Variants in PHC1 observed in about 807,000 individuals in gnomAD.
PHC1 encodes the protein polyhomeotic-like protein 1.
Under a neutral mutation model 104.3 loss-of-function variants are expected in PHC1, and 12 were observed. The observed-to-expected ratio is 0.12, with a 90% CI of 0.07 to 0.19. The LOEUF (loss-of-function observed/expected upper bound fraction) is 0.19. Among genes scored for constraint, PHC1 ranks in the 10% least tolerant of loss-of-function variants. The probability of loss-of-function intolerance (pLI) is 1.00; values close to 1 mark genes in which losing one functional copy is unlikely to be tolerated. For synonymous variants in PHC1, 302 were observed against 455.8 expected (o/e 0.66, Z 4.30); for missense variants, 671 against 1,200.0 (o/e 0.56, Z 6.51).
intron 6 of PHC1, among the ~76,000 whole-genome samples, chr12:8,923,754 C>T (rs764853173): frequency 2.8e-5 from 4 of 144,090 alleles, no homozygotes; most frequent in Non-Finnish European, 4.5e-5. Context: ...GGCATGAACC[C>T]GGGAGGCGGA....
chr12:8,934,977 G>A (rs773109766), intron 10 of PHC1, 147 bp from the exon 11 acceptor site: 61 of 553,780 alleles, frequency 1.1e-4, no homozygotes, highest in Admixed American at 6.2e-4. Flanking sequence ...CTTGATTACC[G>A]TATTGAAAGT....
At chr12:8,929,060 A>G (rs148650268) in intron 6 of PHC1, among the ~76,000 whole-genome samples, 3 of 152,284 alleles carry the variant, frequency 2.0e-5, no homozygotes, top group African/African-American at 7.2e-5. Flanking sequence ...CCTGGGTTAG[A>G]GGGTGTGTGA....
At position 8,934,247 on chromosome 12, in the gene PHC1, A is replaced by C. The variant is rs1479647057; in HGVS notation, c.2042-20A>C. 1.3e-6 allele frequency: 2 copies of C among 1,584,866 alleles called. No homozygotes were observed. Among genetic ancestry groups the C allele is most frequent in the Non-Finnish European group, 1.7e-6 (2 of 1,154,580 alleles). On this transcript the variant is annotated intron_variant, in intron 9 of 14. Coordinates refer to ENST00000544916, the MANE Select transcript of PHC1 (RefSeq NM_004426.3). ...ATATGTCATCTCATGTCTGTTGCTT[A>C]ATCTGTGTTTGTTTTCCAGAAAAAG...
chr12:8,937,053 T>G, intron 12 of PHC1, 89 bp downstream of exon 12: 1 of 1,390,968 alleles, frequency 7.2e-7, no homozygotes, highest in Non-Finnish European at 1.0e-6. Flanking sequence ...ATAGCTGATA[T>G]TTTATGTCTC....
chr12:8,935,279 C>T (rs758965975), intron 11 of PHC1, 41 bp downstream of exon 11: 17 of 1,069,738 alleles, frequency 1.6e-5, no homozygotes, highest in African/African-American at 3.2e-5. Context: ...GAAGGAGACT[C>T]GTGGAGATGT....
Position 8,930,615 on chromosome 12 carries a change from A to G in PHC1, c.793A>G (p.Ser265Gly), listed in dbSNP as rs753029213. 1.6e-4 allele frequency: 241 copies of G among 1,518,056 alleles called. No individual in the cohort carries two copies. Among genetic ancestry groups the G allele is most frequent in the Non-Finnish European group, 1.5e-4 (164 of 1,119,132 alleles). 94.0% of individuals were successfully genotyped at this position (1,518,056 alleles called of 1,614,324 possible). A position where few individuals can be genotyped will look rare whatever the true frequency, so the allele number is the denominator to read the frequency against. The change falls in exon 7 of 15, where the codon AGT (serine) becomes GGT (glycine). Residue 265 changes from serine to glycine, a missense_variant. Ser to Gly is a moderately conservative substitution (Grantham distance 56). Around this residue, in one of 9 missense-constraint regions of PHC1, gnomAD observed 237 missense variants for 331.1 expected, o/e 0.72. Coordinates refer to ENST00000544916, the MANE Select transcript of PHC1 (RefSeq NM_004426.3). ...SGATNQSLNL[S>G]QAGGGSGNSI... Reference sequence around the variant, plus strand: ...GGCCACAAACCAGTCCCTCAACCTTAGTCAAGCTGGTGGAGGCAGTGGGAA... The same window carrying G: ...GGCCACAAACCAGTCCCTCAACCTTGGTCAAGCTGGTGGAGGCAGTGGGAA...
rs1273061633 is a variant in PHC1 at position 8,939,287 on chromosome 12, T to C, written c.2861-18T>C. 6.2e-7 allele frequency: 1 copy of C among 1,614,070 alleles called. No homozygotes were observed. Among genetic ancestry groups the C allele is most frequent in the Non-Finnish European group, 8.5e-7 (1 of 1,180,020 alleles). On this transcript the variant is annotated intron_variant, in intron 14 of 14. Coordinates refer to ENST00000544916, the MANE Select transcript of PHC1 (RefSeq NM_004426.3). ...CTATCATCTGGCATTACCTACATGTTCTCACCATTTCTTCTAGGCTGCCAA... is the reference window on the plus strand; with the variant it reads ...CTATCATCTGGCATTACCTACATGTCCTCACCATTTCTTCTAGGCTGCCAA...
chr12:8,939,357 C>T lies in PHC1; in HGVS notation c.2913C>T (p.Ala971=). 4 of 1,610,696 alleles carry T rather than the reference C, an allele frequency of 2.5e-6. No individual in the cohort carries two copies. The highest frequency in any genetic ancestry group is 3.4e-6 in the Non-Finnish European group (4 of 1,177,662). Residue 971 remains alanine (A), a synonymous_variant, in exon 15 of 15, where the codon GCC becomes GCT. Coordinates refer to ENST00000544916, the MANE Select transcript of PHC1 (RefSeq NM_004426.3). ...EFRSQEIDGQ[A]LLLLKEEHLM... is the part of the protein sequence containing the mutation. ...GCTCACAGGAGATTGATGGACAGGCCCTTTTATTACTTAAAGAAGAACATC... is the reference window on the plus strand; with the variant it reads ...GCTCACAGGAGATTGATGGACAGGCTCTTTTATTACTTAAAGAAGAACATC...
chr12:8,919,320 C>G lies in PHC1; in HGVS notation c.115-436C>G, dbSNP rs1945291621. ...AGGTGATCTGCCCTCCTAGGCCTCCCAAAGTGCTGGGATTACAGGCAGGAG... is the reference window on the plus strand; with the variant it reads ...AGGTGATCTGCCCTCCTAGGCCTCCGAAAGTGCTGGGATTACAGGCAGGAG... On this transcript the variant is annotated intron_variant, in intron 2 of 14. Transcript: ENST00000544916. This position sits in a 1 kb window ranked among gnomAD's most constrained non-coding sequence, Gnocchi z 4.9. Among the ~76,000 whole-genome samples the G allele has an allele frequency of 6.6e-6, 1 of 152,112 alleles. No homozygotes were observed. Among genetic ancestry groups the G allele is most frequent in the African/African-American group, 2.4e-5 (1 of 41,436 alleles).
intron 6 of PHC1, among the ~76,000 whole-genome samples, chr12:8,928,002 G>A (rs1258189830): frequency 6.6e-6 from 1 of 150,400 alleles, no homozygotes; most frequent in Non-Finnish European, 1.5e-5. Flanking sequence ...TGCCTTCTGG[G>A]TTCAAGCGAT....
At chr12:8,938,162 C>A in intron 14 of PHC1, 102 bp downstream of exon 14, 1 of 744,480 alleles carries the variant, frequency 1.3e-6, no homozygotes, top group Non-Finnish European at 2.3e-6. Flanking sequence ...GCAGTAGGAG[C>A]TTGAATGCTA....
chr12:8,933,828 G>A, intron 8 of PHC1, 37 bp from the exon 9 acceptor site: 2 of 1,568,840 alleles, frequency 1.3e-6, no homozygotes, highest in East Asian at 2.3e-5. Flanking sequence ...TCCTTCATTT[G>A]TACATCTTTG....
Position 8,933,267 on chromosome 12 carries a change from G to A in PHC1, c.1810G>A (p.Val604Met), listed in dbSNP as rs1404728871. The A allele has an allele frequency of 2.1e-6, 3 of 1,461,948 alleles. No homozygotes were observed. Among genetic ancestry groups the A allele is most frequent in the Admixed American group, 2.7e-5 (1 of 37,640 alleles). 90.6% of individuals were successfully genotyped at this position (1,461,948 alleles called of 1,614,324 possible). A position where few individuals can be genotyped will look rare whatever the true frequency, so the allele number is the denominator to read the frequency against. ...TLAPVQGTAH[V>M]VKGGATTSSP... ...TGCTCCTGTGCAGGGGACAGCACAT[G>A]TGGTAAAGGGTGGGGCTACCACCTC... Residue 604 changes from valine (V) to methionine (M), a missense_variant, in exon 8 of 15, where the codon GTG (valine) becomes ATG (methionine). Val to Met is a conservative substitution (Grantham distance 21). This residue lies in a region of PHC1 where 95 missense variants were observed against 108.8 expected (regional missense o/e 0.87). Coordinates refer to ENST00000544916, the MANE Select transcript of PHC1 (RefSeq NM_004426.3).
chr12:8,935,634 A>T (rs1945815018), intron 11 of PHC1, among the ~76,000 whole-genome samples: 1 of 152,202 alleles, frequency 6.6e-6, no homozygotes, highest in African/African-American at 2.4e-5. Flanking sequence ...CTCAAAAAAA[A>T]GTAGGAATAA....
intron 11 of PHC1, 24 bp from the exon 12 acceptor site, chr12:8,936,832 G>A: frequency 1.4e-6 from 2 of 1,440,984 alleles, no homozygotes; most frequent in Non-Finnish European, 9.7e-7. Flanking sequence ...CATGGTGACT[G>A]TCCAGCAATA....
At chr12:8,922,600 C>G (rs377224391) in intron 5 of PHC1, 33 bp from the exon 6 acceptor site, 158 of 1,543,180 alleles carry the variant, frequency 1.0e-4, no homozygotes, top group Admixed American at 1.4e-4. Context: ...TCCCTCTTGT[C>G]CTCTTTGCTC....
intron 11 of PHC1, among the ~76,000 whole-genome samples, chr12:8,936,116 C>G (rs1437198682): frequency 3.3e-5 from 5 of 152,174 alleles, no homozygotes; most frequent in African/African-American, 9.7e-5. Context: ...TGTGATGACT[C>G]TCACCTATAA....
In PHC1 at chr12:8,937,948, C is replaced by T. The variant is rs1945887224; in HGVS notation, c.2748C>T (p.Pro916=). ...AGHGERDLGN[P]NTAPPTPELH... ...ATGGAGAACGTGACCTGGGGAATCC[C>T]AATACAGCTCCACCTACACCGGAAT... Residue 916 remains proline (P), a synonymous_variant, in exon 14 of 15, where the codon CCC becomes CCT. Transcript: ENST00000544916. 1.9e-6 allele frequency: 3 copies of T among 1,600,894 alleles called. No homozygotes were observed. The highest frequency in any genetic ancestry group is 1.1e-5 in the South Asian group (1 of 90,730).
upstream of PHC1, among the ~76,000 whole-genome samples, chr12:8,914,323 A>G (rs774937882): frequency 1.8e-4 from 27 of 152,050 alleles, no homozygotes; most frequent in South Asian, 5.6e-3. Flanking sequence ...AAAGAGAGCA[A>G]GAGAGGAAAA....
Sources: gnomAD v4.1 joint callset for allele counts (sites outside exome capture counted in the v4.1 genomes callset) on GRCh38, gnomAD v4.1.1 for gene constraint, gnomAD v4.1.1 regional missense constraint, Gnocchi (gnomAD v3.1) non-coding constraint, MANE v1.5 for transcripts, NCBI Gene and HGNC (gene_info 2026-07-23, HGNC 2026-07-21) for gene names.